GLDC: variants seen among roughly 807,000 people sequenced by gnomAD.
The protein encoded by GLDC is glycine dehydrogenase (decarboxylating), mitochondrial.
A neutral mutation model predicts 121.3 loss-of-function variants in GLDC; 104 were observed. That is an observed-to-expected ratio of 0.86 (90% CI 0.73 to 1.01). GLDC has a LOEUF of 1.01. GLDC is among the 50% of genes least tolerant of loss of function. The probability of loss-of-function intolerance (pLI) is 0.00; values close to 1 mark genes in which losing one functional copy is unlikely to be tolerated. For missense variants in GLDC, 1,429 were observed against 1,306.6 expected (o/e 1.09, Z -1.44); for synonymous variants, 546 against 480.6 (o/e 1.14, Z -1.78).
At chr9:6,539,210 G>T (rs1462223468) in intron 22 of GLDC, among the ~76,000 whole-genome samples, 3 of 152,024 alleles carry the variant, frequency 2.0e-5, no homozygotes, top group African/African-American at 7.3e-5. Flanking sequence ...GGGCGTGCTG[G>T]CTCACACCTG....
chr9:6,594,931 T>C, intron 9 of GLDC, 83 bp downstream of exon 9: 2 of 838,854 alleles, frequency 2.4e-6, no homozygotes, highest in South Asian at 1.3e-5. Context: ...TTGCATATAG[T>C]ATTGGACATG....
At chr9:6,561,989 T>G (rs577872708) in intron 16 of GLDC, among the ~76,000 whole-genome samples, 1 of 152,370 alleles carries the variant, frequency 6.6e-6, no homozygotes, top group African/African-American at 2.4e-5. Flanking sequence ...TTGATTTACA[T>G]ATAACATAAT....
At position 6,532,911 on chromosome 9, in the gene GLDC, T is replaced by C. The variant is rs1407903123; in HGVS notation, c.*106A>G. ...AGAGATTACAGAGATATACACAGTA[T>C]ATAAAACTCCTACTTGAGGCTGGGG... On this transcript the variant is annotated 3_prime_UTR_variant, in exon 25 of 25. Coordinates refer to ENST00000321612, the MANE Select transcript of GLDC (RefSeq NM_000170.3). The C allele has an allele frequency of 1.2e-6, 1 of 824,930 alleles. No homozygotes were observed. The highest frequency in any genetic ancestry group is 1.7e-5 in the Admixed American group (1 of 58,838). The allele number at this position is 824,930 out of a possible 1,614,324, so 51.1% of individuals were successfully genotyped here. A position where few individuals can be genotyped will look rare whatever the true frequency, so the allele number is the denominator to read the frequency against.
In GLDC at chr9:6,584,329, T is replaced by C. The variant is rs537285230; in HGVS notation, c.1850+2812A>G. 1.5e-3 allele frequency among the ~76,000 whole-genome samples: 225 copies of C among 152,336 alleles called. 1 individual carries two copies. The highest frequency in any genetic ancestry group is 2.8e-3 in the Non-Finnish European group (190 of 68,034). On this transcript the variant is annotated intron_variant, in intron 15 of 24. Coordinates refer to ENST00000321612, the MANE Select transcript of GLDC (RefSeq NM_000170.3). ...CATGGTATTCGAAATTCTCCCTCTG[T>C]GCAGAGTTGTCAAGAAACCTGTGTT...
Position 6,550,489 on chromosome 9 carries a change from T to C in GLDC, c.2569+314A>G, listed in dbSNP as rs12347488. ...TAAAAATATAAAAATTAGCCGGGCA[T>C]GGTGGTGCACACGTGTAGTCCCAGC... On this transcript the variant is annotated intron_variant, in intron 21 of 24. Transcript: ENST00000321612. 0.19 allele frequency among the ~76,000 whole-genome samples: 29,216 copies of C among 151,926 alleles called. 2,963 individuals carry two copies. Among genetic ancestry groups the C allele is most frequent in the East Asian group, 0.29 (1,494 of 5,144 alleles).
Position 6,565,778 on chromosome 9 carries a change from G to A in GLDC, c.1851-349C>T, listed in dbSNP as rs1037387476. On this transcript the variant is annotated intron_variant, in intron 15 of 24. Transcript: ENST00000321612. ...AGTGAAGAACAAAAGGAACTACGAC[G>A]TGTGTGTCAGCCAGCTGTAACAATT... 2.1e-4 allele frequency: 108 copies of A among 509,990 alleles called. No individual in the cohort carries two copies. In the East Asian group the frequency reaches 3.2e-3, roughly 15 times the overall value. The allele number at this position is 509,990 out of a possible 1,614,324, so 31.6% of individuals were successfully genotyped here.
rs141019169 is a variant in GLDC, at chr9:6,640,157, C to T, written c.334+4457G>A. On this transcript the variant is annotated intron_variant, in intron 2 of 24. Coordinates refer to ENST00000321612, the MANE Select transcript of GLDC (RefSeq NM_000170.3). ...CCTCTGCCAATATGCAAGTCTGACT[C>T]CCTTGCTACAGCAAGCTCATTACAG... is the stretch of plus-strand genomic sequence containing the variant. Among the ~76,000 whole-genome samples, 307 of 152,344 alleles carry T rather than the reference C, an allele frequency of 2.0e-3. 4 individuals are homozygous for T. Among genetic ancestry groups the T allele is most frequent in the African/African-American group, 7.0e-3 (289 of 41,576 alleles).
At chr9:6,603,227 C>CAAA (rs1217120673) in intron 7 of GLDC, among the ~76,000 whole-genome samples, 1 of 141,228 alleles carries the variant, frequency 7.1e-6, no homozygotes, top group African/African-American at 2.7e-5. Flanking sequence ...GACTCCGTCT[C>CAAA]AAAAAATAAA....
intron 2 of GLDC, among the ~76,000 whole-genome samples, chr9:6,643,602 A>G (rs971377188): frequency 1.1e-4 from 17 of 151,988 alleles, no homozygotes; most frequent in Non-Finnish European, 1.6e-4. Flanking sequence ...GAAGTCAAAT[A>G]CCCACATAAA....
chr9:6,583,418 T>C (rs570819515), intron 15 of GLDC, among the ~76,000 whole-genome samples: 3 of 152,212 alleles, frequency 2.0e-5, no homozygotes, highest in Non-Finnish European at 4.4e-5. Flanking sequence ...ATCATGCTTG[T>C]AATCCCAGGA....
At chr9:6,567,931 T>G (rs1164233572) in intron 15 of GLDC, among the ~76,000 whole-genome samples, 1 of 152,194 alleles carries the variant, frequency 6.6e-6, no homozygotes, top group African/African-American at 2.4e-5. Context: ...CAATAAGTAT[T>G]TAGTAAATAT....
chr9:6,559,889 G>A (rs1266903076), intron 16 of GLDC, among the ~76,000 whole-genome samples: 2 of 152,186 alleles, frequency 1.3e-5, no homozygotes, highest in Non-Finnish European at 2.9e-5. Context: ...ACTAACAATG[G>A]TGGCCTGTGA....
chr9:6,583,530 G>A (rs535463266), intron 15 of GLDC, among the ~76,000 whole-genome samples: 8 of 152,128 alleles, frequency 5.3e-5, no homozygotes, highest in South Asian at 2.1e-4. Flanking sequence ...TTTAAAAATC[G>A]CCAGGCATAG....
rs1376674776 is a variant in GLDC, at chr9:6,610,782, T to C, written c.471-426A>G. 2.6e-5 allele frequency among the ~76,000 whole-genome samples: 4 copies of C among 152,198 alleles called. No homozygotes were observed. In the East Asian group the frequency reaches 5.8e-4, roughly 22 times the overall value. ...GCTCAGCTAATTTTTGTATTCTTTG[T>C]ACAGCCAGGGTTTTGTCATGTTACC... On this transcript the variant is annotated intron_variant, in intron 3 of 24. Transcript: ENST00000321612.
At chr9:6,635,850 G>C (rs147566567) in intron 2 of GLDC, among the ~76,000 whole-genome samples, 1 of 152,074 alleles carries the variant, frequency 6.6e-6, no homozygotes, top group African/African-American at 2.4e-5. Flanking sequence ...AGTCGAGCCT[G>C]GGTGACATAG....
rs191487874 is a variant in GLDC, at chr9:6,637,382, G to A, written c.334+7232C>T. 2.3e-3 allele frequency among the ~76,000 whole-genome samples: 350 copies of A among 151,300 alleles called. 1 individual carries two copies. The highest frequency in any genetic ancestry group is 8.1e-3 in the African/African-American group (333 of 41,046). On this transcript the variant is annotated intron_variant, in intron 2 of 24. Coordinates refer to ENST00000321612, the MANE Select transcript of GLDC (RefSeq NM_000170.3). ...ATCGAGCCATTGCACTCAAACCTGGGGGATAAGAGCGAGACTTCTCTCAAA... is the reference window on the plus strand; with the variant it reads ...ATCGAGCCATTGCACTCAAACCTGGAGGATAAGAGCGAGACTTCTCTCAAA...
intron 15 of GLDC, among the ~76,000 whole-genome samples, chr9:6,572,049 C>G (rs1379314246): frequency 6.6e-6 from 1 of 152,052 alleles, no homozygotes; most frequent in East Asian, 1.9e-4. Flanking sequence ...GTAAATGGAT[C>G]ATGGACTTAA....
chr9:6,587,489 C>G (rs1818294315), intron 14 of GLDC, among the ~76,000 whole-genome samples: 1 of 151,998 alleles, frequency 6.6e-6, no homozygotes, highest in Non-Finnish European at 1.5e-5. Flanking sequence ...ACATAGTTGT[C>G]CAAAAAGGGA....
At chr9:6,535,913 C>G (rs1395531648) in intron 23 of GLDC, 151 bp downstream of exon 23, 5 of 747,608 alleles carry the variant, frequency 6.7e-6, no homozygotes, top group Non-Finnish European at 1.2e-5. Flanking sequence ...ATGGAAACTT[C>G]AAAGTAACAA....
Sources: gnomAD v4.1 joint callset for allele counts (sites outside exome capture counted in the v4.1 genomes callset) on GRCh38, gnomAD v4.1.1 for gene constraint, MANE v1.5 for transcripts, NCBI Gene and HGNC (gene_info 2026-07-23, HGNC 2026-07-21) for gene names.